Variants in TIMP2 observed in about 807,000 individuals in gnomAD.
The protein encoded by TIMP2 is metalloproteinase inhibitor 2.
A neutral mutation model predicts 24.3 loss-of-function variants in TIMP2; 5 were observed. The ratio of observed to expected loss-of-function variants is 0.21; its 90% CI spans 0.11 to 0.43. The LOEUF is 0.43. Among genes scored for constraint, TIMP2 ranks in the 20% least tolerant of loss-of-function variants. TIMP2 has a pLI of 1.00. For synonymous variants in TIMP2, 130 were observed against 123.2 expected (o/e 1.06, Z -0.37); for missense variants, 221 against 297.5 (o/e 0.74, Z 1.89).
chr17:78,905,503 C>T (rs772407054), intron 1 of TIMP2, among the ~76,000 whole-genome samples: 10 of 152,256 alleles, frequency 6.6e-5, no homozygotes, highest in African/African-American at 9.6e-5. Flanking sequence ...ATCCTCTCAG[C>T]GTGGCCTTGA....
At chr17:78,889,900 A>G (rs1417416705) in intron 1 of TIMP2, among the ~76,000 whole-genome samples, 3 of 152,220 alleles carry the variant, frequency 2.0e-5, no homozygotes, top group Non-Finnish European at 4.4e-5. Context: ...CAGGCGGATC[A>G]CGAGATCAGG....
intron 1 of TIMP2, among the ~76,000 whole-genome samples, chr17:78,906,285 T>C (rs527730476): frequency 6.6e-6 from 1 of 152,196 alleles, no homozygotes; most frequent in South Asian, 2.1e-4. Context: ...GGAGGATGGC[T>C]TAAGCCCAGA....
chr17:78,868,700 T>G (rs1239881933), intron 3 of TIMP2, among the ~76,000 whole-genome samples: 1 of 152,038 alleles, frequency 6.6e-6, no homozygotes, highest in Non-Finnish European at 1.5e-5. Flanking sequence ...TAAAATTACT[T>G]GAAATGAAAT....
At chr17:78,874,846 T>C (rs2069716250) in intron 1 of TIMP2, among the ~76,000 whole-genome samples, 1 of 152,056 alleles carries the variant, frequency 6.6e-6, no homozygotes, top group African/African-American at 2.4e-5. Context: ...GTTCAAGAAA[T>C]TCTCCTGCCT....
At chr17:78,908,525 T>A (rs2070180520) in intron 1 of TIMP2, among the ~76,000 whole-genome samples, 1 of 152,136 alleles carries the variant, frequency 6.6e-6, no homozygotes, top group South Asian at 2.1e-4. Context: ...TGAAATCTAA[T>A]CTTCTTCCCA....
chr17:78,924,256 G>A lies in TIMP2; in HGVS notation c.130+703C>T, dbSNP rs185782734. Among the ~76,000 whole-genome samples, 6 of 152,324 alleles carry A rather than the reference G, an allele frequency of 3.9e-5. No individual in the cohort carries two copies. The highest frequency in any genetic ancestry group is 3.9e-4 in the East Asian group (2 of 5,174). ...CAGCACAGTCCCACGTGCCGGGTCC[G>A]GTCACCAAAGTCTCCAGCTTTTGTG... On this transcript the variant is annotated intron_variant, in intron 1 of 4. Coordinates refer to ENST00000262768, the MANE Select transcript of TIMP2 (RefSeq NM_003255.5). The surrounding 1 kb of genome is among the most constrained non-coding windows in gnomAD (Gnocchi z 5.3).
At chr17:78,861,782 T>C (rs1168413857) in intron 3 of TIMP2, among the ~76,000 whole-genome samples, 1 of 152,052 alleles carries the variant, frequency 6.6e-6, no homozygotes, top group African/African-American at 2.4e-5. Flanking sequence ...TTGTATTTTT[T>C]AGTAGAGACA....
At chr17:78,904,324 T>C (rs2070137548) in intron 1 of TIMP2, 1 of 151,936 alleles carries the variant, frequency 6.6e-6, no homozygotes, top group Non-Finnish European at 1.5e-5. Flanking sequence ...AACTGAGAAA[T>C]GTGGCTGGGA....
rs938110998 is a variant in TIMP2, at chr17:78,854,318, A to G, written c.*1349T>C. On this transcript the variant is annotated 3_prime_UTR_variant, in exon 5 of 5. Transcript: ENST00000262768. ...TTCTTCCTATCCTAACCCCCATATC[A>G]CTGGCTTCAGGAAACCACACTGAGG... The G allele has an allele frequency of 6.6e-6, 1 of 151,564 alleles. No homozygotes were observed. The highest frequency in any genetic ancestry group is 2.4e-5 in the African/African-American group (1 of 41,204). The allele number at this position is 151,564 out of a possible 1,614,324, so 9.4% of individuals were successfully genotyped here. A position where few individuals can be genotyped will look rare whatever the true frequency, so the allele number is the denominator to read the frequency against.
chr17:78,909,688 C>T (rs1187652183), intron 1 of TIMP2, among the ~76,000 whole-genome samples: 4 of 152,242 alleles, frequency 2.6e-5, no homozygotes, highest in East Asian at 3.9e-4. Flanking sequence ...CCGTAAGGCT[C>T]GGGTCTCATC....
At chr17:78,906,933 T>A (rs996284537) in intron 1 of TIMP2, among the ~76,000 whole-genome samples, 3 of 152,172 alleles carry the variant, frequency 2.0e-5, no homozygotes, top group Non-Finnish European at 4.4e-5. Context: ...TAGCATTTTT[T>A]AATTTCCTTC....
intron 1 of TIMP2, among the ~76,000 whole-genome samples, chr17:78,912,222 C>T (rs916116502): frequency 5.3e-5 from 8 of 152,166 alleles, no homozygotes; most frequent in South Asian, 2.1e-4. Context: ...CTTTTCATGT[C>T]GCCTCTTTTC....
At chr17:78,894,808 C>G (rs1433900046) in intron 1 of TIMP2, among the ~76,000 whole-genome samples, 1 of 150,684 alleles carries the variant, frequency 6.6e-6, no homozygotes, top group Admixed American at 6.6e-5. Flanking sequence ...TGAACATCAT[C>G]AAAATTAAAA....
intron 1 of TIMP2, among the ~76,000 whole-genome samples, chr17:78,889,097 C>G (rs2069854601): frequency 6.6e-6 from 1 of 152,256 alleles, no homozygotes; most frequent in Non-Finnish European, 1.5e-5. Context: ...TACATCTCAT[C>G]TGTGGCTGCT....
In TIMP2 at chr17:78,856,254, C is replaced by T. The variant is rs1035820899; in HGVS notation, c.466-390G>A. 1.9e-5 allele frequency: 4 copies of T among 214,464 alleles called. No individual in the cohort carries two copies. The East Asian group carries it at 3.0e-4, about 16-fold the overall frequency. The allele number at this position is 214,464 out of a possible 1,614,324, so 13.3% of individuals were successfully genotyped here. A position where few individuals can be genotyped will look rare whatever the true frequency, so the allele number is the denominator to read the frequency against. On this transcript the variant is annotated intron_variant, in intron 4 of 4. Transcript: ENST00000262768. ...CTCGCAAGCCGAGCCCCGAGGTCAT[C>T]GGCAACTAGCAATTTGGCCAAGGAA...
chr17:78,877,852 C>T (rs1398795290), intron 1 of TIMP2, among the ~76,000 whole-genome samples: 2 of 151,744 alleles, frequency 1.3e-5, no homozygotes, highest in African/African-American at 4.8e-5. Context: ...TACAGGCACG[C>T]GCCACCATGC....
chr17:78,879,541 C>T (rs1322519626), intron 1 of TIMP2, among the ~76,000 whole-genome samples: 1 of 152,160 alleles, frequency 6.6e-6, no homozygotes, highest in South Asian at 2.1e-4. Context: ...GTCCATGCCC[C>T]CGAGAGGGGC....
Position 78,870,893 on chromosome 17 carries a change from C to T in TIMP2, c.340+5G>A, listed in dbSNP as rs768125565. On this transcript the variant is annotated splice_donor_5th_base_variant and intron_variant, in intron 3 of 4. Coordinates refer to ENST00000262768, the MANE Select transcript of TIMP2 (RefSeq NM_003255.5). ...CCTCCGGCTGATGGCCCCACTCATA[C>T]ACACCTGCAATGAGATATTCCTTCT... 2 of 1,611,962 alleles carry T rather than the reference C, an allele frequency of 1.2e-6. No homozygotes were observed. The highest frequency in any genetic ancestry group is 2.2e-5 in the East Asian group (1 of 44,830).
intron 3 of TIMP2, among the ~76,000 whole-genome samples, chr17:78,870,484 G>T (rs1309569308): frequency 6.6e-6 from 1 of 151,562 alleles, no homozygotes; most frequent in Non-Finnish European, 1.5e-5. Flanking sequence ...ATTTTGTTAC[G>T]TATTATTTTA....
Sources: allele counts gnomAD v4.1 joint callset (sites outside exome capture counted in the v4.1 genomes callset), GRCh38; gene constraint gnomAD v4.1.1; non-coding constraint Gnocchi (gnomAD v3.1); transcripts MANE v1.5; gene names NCBI Gene and HGNC (gene_info 2026-07-23, HGNC 2026-07-21).